The following ZFHX3 variants were observed in gnomAD, a reference collection of about 807,000 sequenced individuals.
ZFHX3 encodes the protein zinc finger homeobox 3.
Under a neutral mutation model 279.1 loss-of-function variants are expected in ZFHX3, and 42 were observed. That is an observed-to-expected ratio of 0.15 (90% CI 0.12 to 0.19). ZFHX3 has a LOEUF of 0.19. Ranked by LOEUF, ZFHX3 falls within the 10% of genes least tolerant of loss-of-function variation. ZFHX3 has a pLI of 1.00. For synonymous variants in ZFHX3, 2,293 were observed against 1,957.8 expected (o/e 1.17, Z -4.52); for missense variants, 4,981 against 4,754.0 (o/e 1.05, Z -1.40).
intron 1 of ZFHX3, among the ~76,000 whole-genome samples, chr16:73,003,874 C>G (rs1480314537): frequency 1.3e-5 from 2 of 151,096 alleles, no homozygotes; most frequent in Non-Finnish European, 2.9e-5. Flanking sequence ...TTTCTTGACA[C>G]ATACTGCCAA....
intron 1 of ZFHX3, among the ~76,000 whole-genome samples, chr16:73,820,351 A>G (rs1236727889): frequency 6.6e-6 from 1 of 152,052 alleles, no homozygotes; most frequent in African/African-American, 2.4e-5. Context: ...GGGATTACAG[A>G]TGTGAGCCAC....
chr16:73,479,558 C>A (rs2018828278), intron 2 of ZFHX3, among the ~76,000 whole-genome samples: 1 of 152,188 alleles, frequency 6.6e-6, no homozygotes, highest in Non-Finnish European at 1.5e-5. Context: ...CATGCTCCTG[C>A]ACTCTGTTAT....
chr16:73,354,696 G>T (rs917481064), intron 3 of ZFHX3, among the ~76,000 whole-genome samples: 1 of 152,120 alleles, frequency 6.6e-6, no homozygotes, highest in Admixed American at 6.5e-5. Flanking sequence ...CAGAGACAGC[G>T]ACCTCATCCA....
chr16:73,403,558 T>A (rs2017300420), intron 3 of ZFHX3, among the ~76,000 whole-genome samples: 1 of 151,650 alleles, frequency 6.6e-6, no homozygotes. Context: ...AATTTTTTTT[T>A]AAAGGCAAAA....
intron 1 of ZFHX3, among the ~76,000 whole-genome samples, chr16:73,697,933 T>C (rs569984798): frequency 6.6e-6 from 1 of 152,156 alleles, no homozygotes. Flanking sequence ...CCAGATTTTG[T>C]TTTCTACAAA....
intron 1 of ZFHX3, among the ~76,000 whole-genome samples, chr16:73,784,794 A>AT (rs1555501444): frequency 0.011 from 1,259 of 114,150 alleles, 9 homozygotes; most frequent in South Asian, 0.035. Flanking sequence ...AATAAAAAAA[A>AT]AAATATATAT....
At chr16:73,861,574 G>T (rs896391319) in intron 1 of ZFHX3, among the ~76,000 whole-genome samples, 2 of 152,020 alleles carry the variant, frequency 1.3e-5, no homozygotes, top group African/African-American at 4.8e-5. Context: ...TTATGCAATT[G>T]CACGTTGTTT....
upstream of ZFHX3, chr16:73,062,053 T>A (rs1965690681): frequency 6.6e-6 from 1 of 151,786 alleles, no homozygotes; most frequent in Non-Finnish European, 1.5e-5. Context: ...TAATCCAGCA[T>A]CTATATGGAT....
intron 5 of ZFHX3, among the ~76,000 whole-genome samples, chr16:73,250,423 T>C (rs1403238967): frequency 2.0e-5 from 3 of 152,264 alleles, no homozygotes; most frequent in Non-Finnish European, 1.5e-5. Context: ...TTATATAACA[T>C]AAAATTTGCT....
At chr16:73,744,155 T>G (rs2142263000) in intron 1 of ZFHX3, among the ~76,000 whole-genome samples, 1 of 152,342 alleles carries the variant, frequency 6.6e-6, no homozygotes, top group South Asian at 2.1e-4. Context: ...TCCCATTTGT[T>G]CACCCAAAGG....
intron 5 of ZFHX3, among the ~76,000 whole-genome samples, chr16:73,147,214 T>C (rs1464927112): frequency 6.6e-6 from 1 of 152,172 alleles, no homozygotes; most frequent in African/African-American, 2.4e-5. Flanking sequence ...GTTTTCTTCA[T>C]TGTTAAAGGG....
intron 2 of ZFHX3, among the ~76,000 whole-genome samples, chr16:73,509,461 C>T (rs562074586): frequency 6.6e-6 from 1 of 151,882 alleles, no homozygotes; most frequent in Admixed American, 6.6e-5. Flanking sequence ...GACTACATCT[C>T]CCACTTCCCT....
intron 3 of ZFHX3, among the ~76,000 whole-genome samples, chr16:73,404,122 G>A (rs1194406256): frequency 6.6e-6 from 1 of 152,160 alleles, no homozygotes; most frequent in African/African-American, 2.4e-5. Context: ...CTGCCTGTCT[G>A]GGTTAGCCAA....
intron 2 of ZFHX3, among the ~76,000 whole-genome samples, chr16:73,564,058 G>C (rs929346584): frequency 3.3e-5 from 5 of 152,168 alleles, no homozygotes; most frequent in Admixed American, 2.6e-4. Flanking sequence ...TAGACCATAG[G>C]CCAAGCCTAA....
chr16:72,794,434 T>G lies in ZFHX3; in HGVS notation c.8248A>C (p.Met2750Leu). 1 of 1,613,782 alleles carries G rather than the reference T, an allele frequency of 6.2e-7. No individual in the cohort carries two copies. The highest frequency in any genetic ancestry group is 8.5e-7 in the Non-Finnish European group (1 of 1,179,866). Reference sequence around the variant, plus strand: ...AGTCCCCCATCACAGTCTAAGAGCATCGCAGACAGAGTTAGGTTGTAGCCA... The same window carrying G: ...AGTCCCCCATCACAGTCTAAGAGCAGCGCAGACAGAGTTAGGTTGTAGCCA... Reference protein sequence around the residue: ...RAGYNLTLSAMLLDCDGGLQM... With the variant: ...RAGYNLTLSALLLDCDGGLQM... Residue 2750 changes from methionine to leucine, a missense_variant, in exon 9 of 10, where the codon ATG becomes CTG. Met to Leu is a conservative substitution (Grantham distance 15). Around this residue, in one of 7 missense-constraint regions of ZFHX3, gnomAD observed 744 missense variants for 701.3 expected, o/e 1.06. Coordinates refer to ENST00000268489, the MANE Select transcript of ZFHX3 (RefSeq NM_006885.4). The surrounding 1 kb of genome is among the most constrained non-coding windows in gnomAD (Gnocchi z 4.2).
chr16:73,596,000 T>G (rs1016434661), intron 2 of ZFHX3, among the ~76,000 whole-genome samples: 1 of 122,392 alleles, frequency 8.2e-6, no homozygotes, highest in Non-Finnish European at 1.5e-5. Context: ...TTATTTTATT[T>G]TATTTTATTT....
At chr16:73,262,876 G>A (rs541937121) in intron 4 of ZFHX3, among the ~76,000 whole-genome samples, 22 of 152,232 alleles carry the variant, frequency 1.4e-4, no homozygotes, top group African/African-American at 5.1e-4. Flanking sequence ...ATGGAGCAGA[G>A]ACAAGAATCC....
At chr16:73,496,852 C>T (rs937871216) in intron 2 of ZFHX3, among the ~76,000 whole-genome samples, 1 of 152,194 alleles carries the variant, frequency 6.6e-6, no homozygotes, top group African/African-American at 2.4e-5. Context: ...CTCGCCTCCT[C>T]CCTCTGCGTT....
chr16:73,360,361 C>T (rs538286103), intron 3 of ZFHX3, among the ~76,000 whole-genome samples: 5 of 152,262 alleles, frequency 3.3e-5, no homozygotes, highest in East Asian at 1.9e-4. Context: ...TGTTGTGAGA[C>T]GAAGGCTTAC....
Sources: gnomAD v4.1 joint callset for allele counts (sites outside exome capture counted in the v4.1 genomes callset) on GRCh38, gnomAD v4.1.1 for gene constraint, gnomAD v4.1.1 regional missense constraint, Gnocchi (gnomAD v3.1) non-coding constraint, MANE v1.5 for transcripts, NCBI Gene and HGNC (gene_info 2026-07-23, HGNC 2026-07-21) for gene names.